Variants in CSMD2 observed in about 807,000 individuals in gnomAD.
The protein encoded by CSMD2 is CUB and Sushi multiple domains 2, also known as CUB and sushi domain-containing protein 2.
In CSMD2, 130 loss-of-function variants were observed where a neutral mutation model predicts 398.5. The ratio of observed to expected loss-of-function variants is 0.33; its 90% confidence interval spans 0.28 to 0.38. CSMD2 has a LOEUF of 0.38. Among genes scored for constraint, CSMD2 ranks in the 10% least tolerant of loss-of-function variants. CSMD2 has a pLI of 1.00. For synonymous variants in CSMD2, 1,828 were observed against 1,908.5 expected, an observed-to-expected ratio of 0.96 and a Z score of 1.10; for missense variants, 3,829 against 4,764.9, an observed-to-expected ratio of 0.80 and a Z score of 5.78.
At chr1:33,709,558 T>C (rs1272691768) in intron 21 of CSMD2, 1 of 466,200 alleles carries the variant, frequency 2.1e-6, no homozygotes, top group African/African-American at 2.0e-5. Context: ...TTCTCAGTGC[T>C]ATAAAGCAGC....
chr1:33,889,997 A>T (rs1163426305), intron 5 of CSMD2, among the ~76,000 whole-genome samples: 1 of 152,106 alleles, frequency 6.6e-6, no homozygotes, highest in African/African-American at 2.4e-5. Flanking sequence ...ACACACACTC[A>T]CACAATACTC....
At chr1:33,647,360 C>CA (rs5773423) in intron 28 of CSMD2, among the ~76,000 whole-genome samples, 9,363 of 152,198 alleles carry the variant, frequency 0.062, 397 homozygotes, top group East Asian at 0.14. Flanking sequence ...GCTATTGCCC[C>CA]ACGCCTAGCA....
At position 33,557,169 on chromosome 1, in the gene CSMD2, T is replaced by G. The variant is rs573739268; in HGVS notation, c.8743+565A>C. On this transcript the variant is annotated intron_variant, in intron 55 of 70. Coordinates refer to ENST00000373381, the MANE Select transcript of CSMD2 (RefSeq NM_001281956.2). Reference sequence around the variant, plus strand: ...TTAATAGATTTTGTTTCCCCTTTAATCCTCTAATAACCCTATGGAATAGGT... The same window carrying G: ...TTAATAGATTTTGTTTCCCCTTTAAGCCTCTAATAACCCTATGGAATAGGT... Among the ~76,000 whole-genome samples the G allele has an allele frequency of 3.2e-4, 49 of 152,314 alleles. No individual in the cohort carries two copies. In the South Asian group the frequency reaches 9.5e-3, roughly 30 times the overall value.
intron 3 of CSMD2, among the ~76,000 whole-genome samples, chr1:34,003,128 T>A (rs1260239561): frequency 6.6e-6 from 1 of 152,128 alleles, no homozygotes; most frequent in East Asian, 1.9e-4. Context: ...ACCAACTCCC[T>A]CCTTCCTTCT....
intron 3 of CSMD2, among the ~76,000 whole-genome samples, chr1:33,996,956 C>T (rs533326987): frequency 1.3e-4 from 20 of 152,228 alleles, no homozygotes; most frequent in Non-Finnish European, 2.6e-4. Flanking sequence ...CAGAATAATC[C>T]TTTGAGAGAA....
In CSMD2 at chr1:33,619,720, A is replaced by G. The variant is rs534072275; in HGVS notation, c.5828-2103T>C. On this transcript the variant is annotated intron_variant, in intron 37 of 70. Coordinates refer to ENST00000373381, the MANE Select transcript of CSMD2 (RefSeq NM_001281956.2). ...TTTTCCCAGGCAATTCCTGTCCCAC[A>G]TGTGCTTTTAAGATATGAGTGTGAT... 5.5e-4 allele frequency among the ~76,000 whole-genome samples: 84 copies of G among 152,224 alleles called. 1 individual carries two copies. The highest frequency in any genetic ancestry group is 1.9e-3 in the African/African-American group (79 of 41,514).
intron 21 of CSMD2, among the ~76,000 whole-genome samples, chr1:33,713,838 C>G (rs935410942): frequency 6.6e-6 from 1 of 152,174 alleles, no homozygotes; most frequent in African/African-American, 2.4e-5. Context: ...CTTTTCTGAC[C>G]ATGATAAAAG....
In CSMD2 at chr1:33,596,572, A is replaced by G. The variant is rs562405148; in HGVS notation, c.6856+4293T>C. Among the ~76,000 whole-genome samples the G allele has an allele frequency of 2.3e-3, 355 of 152,330 alleles. 3 individuals are homozygous for G. Among genetic ancestry groups the G allele is most frequent in the African/African-American group, 8.3e-3 (343 of 41,574 alleles). The stretch of plus-strand genomic sequence containing the variant: ...CTGGGGAGGCCTTAGGAAATTTACA[A>G]TCATGGGAGAAGGGGAAGCAAACAC... On this transcript the variant is annotated intron_variant, in intron 44 of 70. Transcript: ENST00000373381.
At chr1:34,067,410 T>A (rs1655235662) in intron 2 of CSMD2, among the ~76,000 whole-genome samples, 1 of 152,096 alleles carries the variant, frequency 6.6e-6, no homozygotes, top group Admixed American at 6.6e-5. Flanking sequence ...AGGTGGGGGG[T>A]GCATTCTTAC....
In CSMD2 at chr1:33,519,378, T is replaced by C. The variant is rs1011401456; in HGVS notation, c.*53+87A>G. ...TTACTGGGTGTGTCTATGTGGTGTG[T>C]GCGACTCCGTTGGGTGGAGCCCCTG... On this transcript the variant is annotated intron_variant, in intron 70 of 70. Coordinates refer to ENST00000373381, the MANE Select transcript of CSMD2 (RefSeq NM_001281956.2). This position sits in a 1 kb window ranked among gnomAD's most constrained non-coding sequence, Gnocchi z 5.6. 5.3e-6 allele frequency: 4 copies of C among 761,434 alleles called. No individual in the cohort carries two copies. Among genetic ancestry groups the C allele is most frequent in the Admixed American group, 2.4e-5 (1 of 41,598 alleles). The allele number at this position is 761,434 out of a possible 1,614,324, so 47.2% of individuals were successfully genotyped here. A position where few individuals can be genotyped will look rare whatever the true frequency, so the allele number is the denominator to read the frequency against.
rs1288337655 is a variant in CSMD2, at chr1:34,163,916, A to T, written c.187+995T>A. ...GCACCAGTCGCGGCCAGTAGCCTCC[A>T]CAGGGGACCGGGTTCCCTCGAAGGT... is the stretch of plus-strand genomic sequence containing the variant. On this transcript the variant is annotated intron_variant, in intron 1 of 70. Transcript: ENST00000373381. This position sits in a 1 kb window ranked among gnomAD's most constrained non-coding sequence, Gnocchi z 5.4. Among the ~76,000 whole-genome samples the T allele has an allele frequency of 6.6e-6, 1 of 152,112 alleles. No homozygotes were observed. The highest frequency in any genetic ancestry group is 2.4e-5 in the African/African-American group (1 of 41,438).
rs1221070674 is a variant in CSMD2, at chr1:33,611,171, G to A, written c.6213C>T (p.Thr2071=). The A allele has an allele frequency of 1.2e-6, 2 of 1,614,148 alleles. No homozygotes were observed. Among genetic ancestry groups the A allele is most frequent in the Admixed American group, 3.3e-5 (2 of 60,030 alleles). The change falls in exon 41 of 71, where the codon ACC becomes ACT. Residue 2071 remains threonine, a synonymous_variant. Transcript: ENST00000373381. The part of the protein sequence containing the change: ...YIEIRNGPYE[T]SRMMGRFSGS... ...CACTGAATCTTCCCATCATGCGGCTGGTCTCATAGGGGCCATTCCGGATTT... is the reference window on the plus strand; with the variant it reads ...CACTGAATCTTCCCATCATGCGGCTAGTCTCATAGGGGCCATTCCGGATTT...
At chr1:34,062,931 A>G (rs1343323296) in intron 2 of CSMD2, among the ~76,000 whole-genome samples, 1 of 152,148 alleles carries the variant, frequency 6.6e-6, no homozygotes, top group African/African-American at 2.4e-5. Flanking sequence ...ACAGTTCCAC[A>G]TGTCTAGGGA....
intron 1 of CSMD2, among the ~76,000 whole-genome samples, chr1:34,091,117 C>T (rs1035067613): frequency 1.3e-5 from 2 of 152,088 alleles, no homozygotes; most frequent in Non-Finnish European, 2.9e-5. Flanking sequence ...CTTGGTGGTA[C>T]TTATTATAAA....
At chr1:33,951,702 C>A (rs1368642370) in intron 3 of CSMD2, among the ~76,000 whole-genome samples, 1 of 152,228 alleles carries the variant, frequency 6.6e-6, no homozygotes, top group African/African-American at 2.4e-5. Flanking sequence ...CTCTTTGATG[C>A]CGGCAGAAGA....
chr1:33,691,865 C>T (rs138525685), intron 25 of CSMD2, among the ~76,000 whole-genome samples: 3 of 152,186 alleles, frequency 2.0e-5, no homozygotes, highest in Non-Finnish European at 4.4e-5. Context: ...TGTTTCCCCC[C>T]CAATTCCCTT....
chr1:33,790,453 C>T (rs1488347414), intron 11 of CSMD2, among the ~76,000 whole-genome samples: 1 of 152,180 alleles, frequency 6.6e-6, no homozygotes, highest in African/African-American at 2.4e-5. Flanking sequence ...ACTGAGACAT[C>T]AGCTCACTTC....
At chr1:33,566,093 T>C (rs1205850837) in intron 53 of CSMD2, among the ~76,000 whole-genome samples, 1 of 142,276 alleles carries the variant, frequency 7.0e-6, no homozygotes, top group Admixed American at 6.8e-5. Context: ...TCAGAGCTGA[T>C]GAAGAAGAAA....
chr1:33,592,509 AACATTATGAGTGGC>A (rs1639531249), intron 44 of CSMD2: 2 of 717,128 alleles, frequency 2.8e-6, no homozygotes, highest in Non-Finnish European at 2.6e-6. Context: ...AGTTAAAGAG[AACATTATGAGTGGC>A]ACAGGCACCA....
Sources: gnomAD v4.1 joint callset for allele counts (sites outside exome capture counted in the v4.1 genomes callset) on GRCh38, gnomAD v4.1.1 for gene constraint, Gnocchi (gnomAD v3.1) non-coding constraint, MANE v1.5 for transcripts, NCBI Gene and HGNC (gene_info 2026-07-23, HGNC 2026-07-21) for gene names.